The following PPFIBP2 variants were observed in gnomAD, a reference collection of about 807,000 sequenced individuals.
PPFIBP2 encodes the protein PPFIB scaffold protein 2, also known as liprin-beta-2.
Under a neutral mutation model 118.3 loss-of-function variants are expected in PPFIBP2, and 118 were observed. That is an observed-to-expected ratio of 1.00 (90% CI 0.86 to 1.16). PPFIBP2 has a LOEUF of 1.16. Among genes scored for constraint, PPFIBP2 ranks in the 50% most tolerant of loss-of-function variants. The pLI, the probability that PPFIBP2 is intolerant of heterozygous loss-of-function variation, is 0.00. For synonymous variants in PPFIBP2, 414 were observed against 397.4 expected, an observed-to-expected ratio of 1.04 and a Z score of -0.50; for missense variants, 1,195 against 1,073.1, an observed-to-expected ratio of 1.11 and a Z score of -1.59.
intron 1 of PPFIBP2, among the ~76,000 whole-genome samples, chr11:7,529,852 G>A (rs1214186161): frequency 1.3e-5 from 2 of 152,190 alleles, no homozygotes; most frequent in African/African-American, 4.8e-5. Flanking sequence ...GTGGCCGTGT[G>A]ATCCCTAGGA....
rs757573355 is a variant in PPFIBP2, at chr11:7,593,233, T to A, written c.372+9T>A. The A allele has an allele frequency of 6.2e-7, 1 of 1,613,226 alleles. No individual in the cohort carries two copies. ...AGTCCCTCATATTGCAGGTGGGTAC[T>A]TTTTGGTGAGAATCGGCTTATCCTG... On this transcript the variant is annotated intron_variant, in intron 4 of 23. Transcript: ENST00000299492.
rs777868110 is a variant in PPFIBP2 at position 7,653,069 on chromosome 11, A to T, written c.2482A>T (p.Lys828Ter). ...FSHFGNIRKK[K>*]FDESTDYICP... Reference sequence around the variant, plus strand: ...ACACTTCGGAAACATAAGAAAAAAGAAGTTCGATGAATCGACGGACTACAT... The same window carrying T: ...ACACTTCGGAAACATAAGAAAAAAGTAGTTCGATGAATCGACGGACTACAT... The change falls in exon 24 of 24, where the codon AAG becomes TAG. Residue 828 changes from lysine to a stop codon, truncating the protein, a stop_gained. Transcript: ENST00000299492. LOFTEE classifies it high-confidence loss of function. 5 of 1,613,452 alleles carry T rather than the reference A, an allele frequency of 3.1e-6. No individual in the cohort carries two copies. The South Asian group carries it at 5.5e-5, about 18-fold the overall frequency.
intron 5 of PPFIBP2, among the ~76,000 whole-genome samples, chr11:7,604,903 G>C (rs776235716): frequency 6.6e-6 from 1 of 152,184 alleles, no homozygotes; most frequent in African/African-American, 2.4e-5. Context: ...GGGAGAAACA[G>C]GACCAGAACT....
downstream of PPFIBP2, among the ~76,000 whole-genome samples, chr11:7,655,707 A>C (rs556992701): frequency 2.0e-3 from 299 of 152,100 alleles, no homozygotes; most frequent in Middle Eastern, 0.01. Flanking sequence ...TTGAGCCCCT[A>C]AGGGCAGTGG....
intron 2 of PPFIBP2, among the ~76,000 whole-genome samples, chr11:7,555,656 C>T (rs1003676428): frequency 6.6e-6 from 1 of 152,200 alleles, no homozygotes; most frequent in Admixed American, 6.5e-5. Flanking sequence ...GTCTAAGGGG[C>T]AGAGCTATCA....
At chr11:7,581,743 C>T (rs568679482) in intron 3 of PPFIBP2, among the ~76,000 whole-genome samples, 2 of 152,288 alleles carry the variant, frequency 1.3e-5, no homozygotes, top group South Asian at 2.1e-4. Context: ...CATATCTCAC[C>T]TCTGTGTAGA....
rs965326531 is a variant in PPFIBP2, at chr11:7,606,141, G to A, written c.487-4150G>A. 71 of 1,145,970 alleles carry A rather than the reference G, an allele frequency of 6.2e-5. No individual in the cohort carries two copies. In the Middle Eastern group the frequency reaches 8.5e-4, roughly 14 times the overall value. 71.0% of individuals were successfully genotyped at this position (1,145,970 alleles called of 1,614,324 possible). A position where few individuals can be genotyped will look rare whatever the true frequency, so the allele number is the denominator to read the frequency against. ...AATAGCAGGATAGATGCAGATGGTC[G>A]GGGGGCAAAATACTGGCTTGGAAGC... On this transcript the variant is annotated intron_variant, in intron 5 of 23. Transcript: ENST00000299492.
chr11:7,636,610 G>A (rs1399440151), intron 14 of PPFIBP2, among the ~76,000 whole-genome samples: 3 of 152,148 alleles, frequency 2.0e-5, no homozygotes, highest in South Asian at 2.1e-4. Context: ...TCATTCGCAG[G>A]TGTTTCTAAA....
At chr11:7,523,813 G>A (rs1013682470) in intron 1 of PPFIBP2, among the ~76,000 whole-genome samples, 1 of 152,188 alleles carries the variant, frequency 6.6e-6, no homozygotes, top group Non-Finnish European at 1.5e-5. Flanking sequence ...AGGGAAGGAG[G>A]TGATCCAGAT....
chr11:7,638,132 T>C (rs1851684476), intron 14 of PPFIBP2, among the ~76,000 whole-genome samples: 1 of 152,204 alleles, frequency 6.6e-6, no homozygotes, highest in African/African-American at 2.4e-5. Context: ...TCTGAGATAA[T>C]CTGAGATCCT....
At chr11:7,661,531 G>A (rs1244612135), downstream of PPFIBP2, among the ~76,000 whole-genome samples, 4 of 144,358 alleles carry the variant, frequency 2.8e-5, no homozygotes, top group East Asian at 2.0e-4. Context: ...TATAATTTCT[G>A]TTCTTTTACA....
At chr11:7,663,269 C>G in the PPFIBP2 span, among the ~76,000 whole-genome samples, 2 of 144,598 alleles carry the variant, frequency 1.4e-5, no homozygotes, top group African/African-American at 4.9e-5. Flanking sequence ...TTTTCCCCAT[C>G]TTTGTGGTTT....
At chr11:7,592,967 A>T (rs1316673880) in intron 3 of PPFIBP2, among the ~76,000 whole-genome samples, 165 bp from the exon 4 acceptor site, 1 of 152,224 alleles carries the variant, frequency 6.6e-6, no homozygotes, top group Non-Finnish European at 1.5e-5. Flanking sequence ...GGTTCTCCTC[A>T]TGGTAGTTTT....
chr11:7,545,520 T>C (rs1852234736), intron 1 of PPFIBP2, among the ~76,000 whole-genome samples: 2 of 152,208 alleles, frequency 1.3e-5, no homozygotes, highest in Non-Finnish European at 2.9e-5. Flanking sequence ...TTACTAATTA[T>C]TGTTAATCTC....
the PPFIBP2 span, chr11:7,665,473 C>T: frequency 5.8e-5 from 94 of 1,613,790 alleles, no homozygotes; most frequent in East Asian, 1.8e-4. Flanking sequence ...CCAGGATGAG[C>T]GTGGACTTCG....
intron 17 of PPFIBP2, among the ~76,000 whole-genome samples, chr11:7,647,692 T>G (rs1428316161): frequency 6.6e-6 from 1 of 152,230 alleles, no homozygotes; most frequent in Non-Finnish European, 1.5e-5. Context: ...AGTGGCCACC[T>G]CACTGAGCTT....
intron 1 of PPFIBP2, among the ~76,000 whole-genome samples, chr11:7,545,889 A>G (rs1852275525): frequency 6.6e-6 from 1 of 151,950 alleles, no homozygotes; most frequent in Non-Finnish European, 1.5e-5. Flanking sequence ...AATCCTCCCG[A>G]CTCCTACCTT....
intron 11 of PPFIBP2, among the ~76,000 whole-genome samples, chr11:7,631,471 C>T (rs572974758): frequency 1.4e-4 from 22 of 152,094 alleles, no homozygotes; most frequent in East Asian, 3.9e-4. Flanking sequence ...TCTGAAATGC[C>T]GCATTCCTGC....
At position 7,650,895 on chromosome 11, in the gene PPFIBP2, G is replaced by A; in HGVS notation, c.2177G>A (p.Trp726Ter). Residue 726 changes from tryptophan (W) to a stop codon, truncating the protein, a stop_gained, in exon 22 of 24, where the codon TGG (tryptophan) becomes TAG (stop). Transcript: ENST00000299492. LOFTEE classifies it high-confidence loss of function. ...VQWSNHRVMEWLRSVDLAEYA... is the reference protein window; with the variant it reads ...VQWSNHRVME ...TGGTCCAACCACAGGGTGATGGAGT[G>A]GTTACGATCTGTGGACCTGGCAGAG... 6.2e-7 allele frequency: 1 copy of A among 1,614,120 alleles called. No individual in the cohort carries two copies. Among genetic ancestry groups the A allele is most frequent in the Non-Finnish European group, 8.5e-7 (1 of 1,179,986 alleles).
Sources: gnomAD v4.1 joint callset for allele counts (sites outside exome capture counted in the v4.1 genomes callset) on GRCh38, gnomAD v4.1.1 for gene constraint, MANE v1.5 for transcripts, NCBI Gene and HGNC (gene_info 2026-07-23, HGNC 2026-07-21) for gene names.